The following SOX5 variants were observed in gnomAD, a reference collection of about 807,000 sequenced individuals.
SOX5 encodes the protein SRY-box transcription factor 5.
A neutral mutation model predicts 92.0 loss-of-function variants in SOX5; 9 were observed. That is an observed-to-expected ratio of 0.10 (90% confidence interval 0.06 to 0.17). The LOEUF is 0.17. Among genes scored for constraint, SOX5 ranks in the 10% least tolerant of loss-of-function variants. The pLI, the probability that SOX5 is intolerant of heterozygous loss-of-function variation, is 1.00. For missense variants in SOX5, 642 were observed against 944.5 expected (o/e 0.68, Z 4.20); for synonymous variants, 344 against 336.3 (o/e 1.02, Z -0.25).
At position 24,393,506 on chromosome 12, in the gene SOX5, T is replaced by C. The variant is rs985185773; in HGVS notation, c.-250-24867A>G. On this transcript the variant is annotated intron_variant, in intron 1 of 4. Transcript: ENST00000446891. The surrounding 1 kb of genome is among the most constrained non-coding windows in gnomAD (Gnocchi z 5.0). ...AGTCTACCACCCACCCCAAAATAAG[T>C]AGGTATCTGAATAATGAGATCTGTA... 2.6e-5 allele frequency among the ~76,000 whole-genome samples: 4 copies of C among 152,170 alleles called. No homozygotes were observed. Among genetic ancestry groups the C allele is most frequent in the African/African-American group, 9.7e-5 (4 of 41,432 alleles).
At chr12:23,554,954 A>C (rs1394693628) in intron 11 of SOX5, among the ~76,000 whole-genome samples, 1 of 152,148 alleles carries the variant, frequency 6.6e-6, no homozygotes, top group Non-Finnish European at 1.5e-5. Context: ...GAGGAGAAGA[A>C]GGAAAGAATC....
intron 4 of SOX5, among the ~76,000 whole-genome samples, chr12:24,114,508 G>A (rs527777587): frequency 1.4e-5 from 2 of 138,268 alleles, no homozygotes; most frequent in Admixed American, 1.6e-4. Flanking sequence ...CCTGGGAAGT[G>A]GAGGTTGCAG....
At chr12:23,960,519 A>T (rs1389792659) in intron 4 of SOX5, among the ~76,000 whole-genome samples, 1 of 80,470 alleles carries the variant, frequency 1.2e-5, no homozygotes, top group Non-Finnish European at 2.6e-5. Context: ...ATATACATAT[A>T]TATATATATA....
intron 3 of SOX5, among the ~76,000 whole-genome samples, chr12:24,268,936 T>C (rs964717374): frequency 1.3e-5 from 2 of 152,202 alleles, no homozygotes; most frequent in African/African-American, 4.8e-5. Context: ...CCCATTAAAA[T>C]GTAACAGTGT....
chr12:24,304,268 G>A (rs1421025414), intron 2 of SOX5, among the ~76,000 whole-genome samples: 1 of 152,132 alleles, frequency 6.6e-6, no homozygotes, highest in East Asian at 1.9e-4. Flanking sequence ...TCTAAGAAAT[G>A]GAAAACTGTC....
intron 4 of SOX5, among the ~76,000 whole-genome samples, chr12:24,202,492 C>G (rs35065957): frequency 0.12 from 18,813 of 152,134 alleles, 2,257 homozygotes; most frequent in African/African-American, 0.32. Flanking sequence ...TTGATACATT[C>G]ATACATGATT....
At chr12:23,650,402 G>C (rs1034111178) in intron 7 of SOX5, among the ~76,000 whole-genome samples, 1 of 152,068 alleles carries the variant, frequency 6.6e-6, no homozygotes, top group Non-Finnish European at 1.5e-5. Flanking sequence ...AACGAGCATT[G>C]CTCCTATTAA....
chr12:24,040,162 C>A (rs952876786), intron 4 of SOX5, among the ~76,000 whole-genome samples: 4 of 152,176 alleles, frequency 2.6e-5, no homozygotes, highest in African/African-American at 7.2e-5. Context: ...ATTTAAAAAA[C>A]CAGCAAATAG....
intron 7 of SOX5, among the ~76,000 whole-genome samples, chr12:23,657,296 C>G (rs1055008871): frequency 6.6e-6 from 1 of 152,146 alleles, no homozygotes; most frequent in African/African-American, 2.4e-5. Context: ...ATTCTTTCAT[C>G]ATGTTTAAGC....
At chr12:24,411,346 C>T (rs1302192691) in intron 1 of SOX5, among the ~76,000 whole-genome samples, 2 of 152,062 alleles carry the variant, frequency 1.3e-5, no homozygotes, top group East Asian at 1.9e-4. Flanking sequence ...AATTCTAGCA[C>T]TGTGTTGAAG....
chr12:24,283,908 T>C (rs1276342098), intron 2 of SOX5, among the ~76,000 whole-genome samples: 3 of 152,232 alleles, frequency 2.0e-5, no homozygotes, highest in Non-Finnish European at 4.4e-5. Flanking sequence ...AAACCATGAA[T>C]ATTCCAGCTA....
chr12:24,117,981 C>T (rs1276892446), intron 4 of SOX5, among the ~76,000 whole-genome samples: 4 of 143,696 alleles, frequency 2.8e-5, no homozygotes, highest in African/African-American at 1.0e-4. Context: ...ATGGTGCCAC[C>T]GCATTCCAGC....
At chr12:24,385,773 A>G (rs1958328197) in intron 1 of SOX5, among the ~76,000 whole-genome samples, 1 of 151,980 alleles carries the variant, frequency 6.6e-6, no homozygotes, top group South Asian at 2.1e-4. Context: ...TCTCATGTCT[A>G]CCAAAAGAAT....
chr12:23,856,178 C>T (rs2096686851), intron 2 of SOX5, among the ~76,000 whole-genome samples: 1 of 152,100 alleles, frequency 6.6e-6, no homozygotes, highest in South Asian at 2.1e-4. Flanking sequence ...TAAGGACCAT[C>T]CCACAGCACA....
intron 1 of SOX5, among the ~76,000 whole-genome samples, chr12:24,380,880 G>T (rs907886705): frequency 6.6e-6 from 1 of 152,152 alleles, no homozygotes; most frequent in African/African-American, 2.4e-5. Flanking sequence ...ATTTCTAACT[G>T]TATTCTGCAA....
intron 9 of SOX5, among the ~76,000 whole-genome samples, chr12:23,588,812 C>A (rs1392115515): frequency 6.6e-6 from 1 of 151,696 alleles, no homozygotes; most frequent in Non-Finnish European, 1.5e-5. Flanking sequence ...TTTGGTGAAC[C>A]ATGGACTGCC....
At chr12:24,133,619 T>G (rs1211279200) in intron 4 of SOX5, among the ~76,000 whole-genome samples, 3 of 151,952 alleles carry the variant, frequency 2.0e-5, no homozygotes, top group Non-Finnish European at 4.4e-5. Context: ...TGCCAAACAA[T>G]GCAAGAGAGG....
chr12:23,988,975 C>G (rs1272931193), intron 4 of SOX5, among the ~76,000 whole-genome samples: 1 of 151,918 alleles, frequency 6.6e-6, no homozygotes, highest in South Asian at 2.1e-4. Context: ...GATGTGCCAG[C>G]CTTAAAGGAA....
At chr12:24,073,490 C>A (rs1942073738) in intron 4 of SOX5, among the ~76,000 whole-genome samples, 1 of 152,130 alleles carries the variant, frequency 6.6e-6, no homozygotes, top group Non-Finnish European at 1.5e-5. Flanking sequence ...ATTTCAACAC[C>A]TTATCATGCT....
Sources: gnomAD v4.1 joint callset for allele counts (sites outside exome capture counted in the v4.1 genomes callset) on GRCh38, gnomAD v4.1.1 for gene constraint, Gnocchi (gnomAD v3.1) non-coding constraint, MANE v1.5 for transcripts, NCBI Gene and HGNC (gene_info 2026-07-23, HGNC 2026-07-21) for gene names.